TRAF2: variants seen among roughly 807,000 people sequenced by gnomAD.
TRAF2 encodes TNF receptor-associated factor 2.
Under a neutral mutation model 55.6 loss-of-function variants are expected in TRAF2, and 6 were observed. That is an observed-to-expected ratio of 0.11 (90% CI 0.06 to 0.21). The LOEUF is 0.21. Ranked by LOEUF, TRAF2 falls within the 10% of genes least tolerant of loss-of-function variation. The pLI, the probability that TRAF2 is intolerant of heterozygous loss-of-function variation, is 1.00. For missense variants in TRAF2, 561 were observed against 684.5 expected, an observed-to-expected ratio of 0.82 and a Z score of 2.01; for synonymous variants, 329 against 276.3, an observed-to-expected ratio of 1.19 and a Z score of -1.89.
Position 136,921,057 on chromosome 9 carries a change from G to GC in TRAF2, c.981dup (p.Ile328HisfsTer10). 6.2e-7 allele frequency: 1 copy of GC among 1,613,978 alleles called. No individual in the cohort carries two copies. Among genetic ancestry groups the GC allele is most frequent in the Non-Finnish European group, 8.5e-7 (1 of 1,180,006 alleles). ...CGGCAGGTGCAGCAGCTGGAGAGGAGCATTGGCCTCAAGGACCTGGCGATG... is the reference window on the plus strand; with the variant it reads ...CGGCAGGTGCAGCAGCTGGAGAGGAGCCATTGGCCTCAAGGACCTGGCGATG... On this transcript the variant is annotated frameshift_variant, in exon 9 of 11. Coordinates refer to ENST00000247668, the MANE Select transcript of TRAF2 (RefSeq NM_021138.4). LOFTEE classifies it high-confidence loss of function.
chr9:136,909,871 C>T (rs532004454), intron 5 of TRAF2, 49 bp from the exon 6 acceptor site: 102 of 1,599,386 alleles, frequency 6.4e-5, no homozygotes, highest in Middle Eastern at 1.7e-4. Flanking sequence ...CCTCCACCCG[C>T]GCCTGGCATT....
At chr9:136,895,659 C>T (rs1288044547) in intron 1 of TRAF2, among the ~76,000 whole-genome samples, 2 of 152,122 alleles carry the variant, frequency 1.3e-5, no homozygotes, top group Admixed American at 6.5e-5. Context: ...TAAGACCATC[C>T]TGGCCAACAT....
upstream of TRAF2, among the ~76,000 whole-genome samples, chr9:136,884,516 C>T (rs561155631): frequency 6.6e-6 from 1 of 152,088 alleles, no homozygotes; most frequent in African/African-American, 2.4e-5. Context: ...GCCGAGATCG[C>T]ACCACTGCAC....
chr9:136,888,967 G>A lies in TRAF2; in HGVS notation c.-29+2426G>A, dbSNP rs139403568. 8.5e-5 allele frequency among the ~76,000 whole-genome samples: 13 copies of A among 152,140 alleles called. No homozygotes were observed. In the East Asian group the frequency reaches 2.1e-3, roughly 25 times the overall value. On this transcript the variant is annotated intron_variant, in intron 1 of 10. Coordinates refer to ENST00000247668, the MANE Select transcript of TRAF2 (RefSeq NM_021138.4). ...TGCAACCTCTGCCTCCTGGGTTCAC[G>A]CTATTCTTCTGCCTCAGCCTCCCGA...
upstream of TRAF2, chr9:136,882,633 C>T (rs772221783): frequency 5.3e-5 from 52 of 984,950 alleles, no homozygotes; most frequent in Admixed American, 6.1e-5. Context: ...CTGCTGGAGG[C>T]CTGGGTGGCT....
intron 5 of TRAF2, among the ~76,000 whole-genome samples, chr9:136,908,736 G>C (rs1850020774): frequency 6.6e-6 from 1 of 152,174 alleles, no homozygotes; most frequent in Non-Finnish European, 1.5e-5. Flanking sequence ...TGGGCATGGT[G>C]GCGGGCGCCT....
intron 4 of TRAF2, among the ~76,000 whole-genome samples, chr9:136,904,506 C>T (rs749464728): frequency 2.6e-5 from 4 of 152,150 alleles, no homozygotes; most frequent in East Asian, 3.9e-4. Context: ...CCCACGTTCA[C>T]GCCATTCTTC....
rs1351872112 is a variant in TRAF2 at position 136,920,291 on chromosome 9, A to G, written c.736A>G (p.Met246Val). The part of the protein sequence containing the change: ...EVQWLREHLA[M>V]LLSSVLEAKP... ...GCAGTGGCTGCGGGAGCACCTGGCC[A>G]TGCTACTGAGCTCGGTGCTGGAGGC... Residue 246 changes from methionine (M) to valine (V), a missense_variant, in exon 8 of 11, where the codon ATG becomes GTG. Physicochemically the swap from Met to Val is conservative, Grantham distance 21. Transcript: ENST00000247668. The G allele has an allele frequency of 4.3e-6, 7 of 1,613,762 alleles. No individual in the cohort carries two copies. The highest frequency in any genetic ancestry group is 1.1e-5 in the South Asian group (1 of 91,082).
intron 10 of TRAF2, among the ~76,000 whole-genome samples, 174 bp from the exon 11 acceptor site, chr9:136,925,509 G>C (rs552584273): frequency 6.6e-6 from 1 of 151,390 alleles, no homozygotes; most frequent in Non-Finnish European, 1.5e-5. Flanking sequence ...TGGGGAGCCC[G>C]GGCGCTGTGG....
chr9:136,891,580 T>C (rs1360773165), intron 1 of TRAF2, among the ~76,000 whole-genome samples: 1 of 151,954 alleles, frequency 6.6e-6, no homozygotes, highest in East Asian at 1.9e-4. Flanking sequence ...CAGGCATGCC[T>C]AGGGCAGGGA....
rs758099713 is a variant in TRAF2 at position 136,920,998 on chromosome 9, C to T, written c.961-40C>T. The T allele has an allele frequency of 6.8e-6, 11 of 1,606,692 alleles. No individual in the cohort carries two copies. The African/African-American group carries it at 1.1e-4, about 16-fold the overall frequency. On this transcript the variant is annotated intron_variant, in intron 8 of 10. Transcript: ENST00000247668. ...TGGGAGGCAGGGGCTCGTGCCCGCACCCCTCCTGTAAGAGGGAAGGTGGTC... is the reference window on the plus strand; with the variant it reads ...TGGGAGGCAGGGGCTCGTGCCCGCATCCCTCCTGTAAGAGGGAAGGTGGTC...
chr9:136,926,280 T>TG lies in TRAF2; in HGVS notation c.*381dup, dbSNP rs1850530909. On this transcript the variant is annotated 3_prime_UTR_variant, in exon 11 of 11. Coordinates refer to ENST00000247668, the MANE Select transcript of TRAF2 (RefSeq NM_021138.4). ...GCCCATGTAGCAGGAGCACAGTGGA[T>TG]GGCCTTGTGTCCCTCGGGCATGACA... is the stretch of plus-strand genomic sequence containing the variant. The TG allele has an allele frequency of 2.7e-6, 1 of 372,622 alleles. No homozygotes were observed. The highest frequency in any genetic ancestry group is 2.1e-5 in the African/African-American group (1 of 47,592). The allele number at this position is 372,622 out of a possible 1,614,324, so 23.1% of individuals were successfully genotyped here. A position where few individuals can be genotyped will look rare whatever the true frequency, so the allele number is the denominator to read the frequency against.
At chr9:136,884,008 A>G (rs1323334883), upstream of TRAF2, among the ~76,000 whole-genome samples, 3 of 151,938 alleles carry the variant, frequency 2.0e-5, no homozygotes, top group Non-Finnish European at 4.4e-5. Context: ...TACTTTTAGT[A>G]GAGACAGGGT....
At chr9:136,890,790 C>T (rs1246313727) in intron 1 of TRAF2, among the ~76,000 whole-genome samples, 1 of 152,230 alleles carries the variant, frequency 6.6e-6, no homozygotes, top group East Asian at 1.9e-4. Context: ...CTGCCGTGTC[C>T]TGGCTGTCTG....
At position 136,898,545 on chromosome 9, in the gene TRAF2, G is replaced by A. The variant is rs184204836; in HGVS notation, c.-28-168G>A. The A allele has an allele frequency of 1.1e-4, 104 of 979,774 alleles. No homozygotes were observed. The Middle Eastern group carries it at 1.6e-3, about 15-fold the overall frequency. The allele number at this position is 979,774 out of a possible 1,614,324, so 60.7% of individuals were successfully genotyped here. A position where few individuals can be genotyped will look rare whatever the true frequency, so the allele number is the denominator to read the frequency against. On this transcript the variant is annotated intron_variant, in intron 1 of 10. Coordinates refer to ENST00000247668, the MANE Select transcript of TRAF2 (RefSeq NM_021138.4). ...TAGCGGCGGGAGATGGGACTAGAGG[G>A]TCTCCAAGGCTCCCTGAAGCTCTGC... is the stretch of plus-strand genomic sequence containing the variant.
chr9:136,900,558 C>T (rs1432628909), intron 4 of TRAF2, 38 bp downstream of exon 4: 13 of 1,577,482 alleles, frequency 8.2e-6, no homozygotes, highest in Admixed American at 1.7e-5. Context: ...ACAGAAGCTC[C>T]AGCAGTCGGG....
intron 6 of TRAF2, 58 bp downstream of exon 6, chr9:136,910,052 A>T: frequency 1.7e-3 from 2,014 of 1,182,494 alleles, no homozygotes; most frequent in Non-Finnish European, 2.2e-3. Flanking sequence ...GTTGGACGTG[A>T]GGGTCCCGTG....
intron 1 of TRAF2, among the ~76,000 whole-genome samples, chr9:136,891,027 C>A (rs1461022061): frequency 6.6e-6 from 1 of 152,174 alleles, no homozygotes; most frequent in East Asian, 1.9e-4. Context: ...GCGAGATCCT[C>A]CCACCTCGGC....
chr9:136,899,572 T>G, intron 2 of TRAF2, 22 bp from the exon 3 acceptor site: 3 of 1,600,436 alleles, frequency 1.9e-6, no homozygotes, highest in South Asian at 1.1e-5. Context: ...GTGGGTTGTT[T>G]TTTGCCTTTT....
Sources: allele counts gnomAD v4.1 joint callset (sites outside exome capture counted in the v4.1 genomes callset), GRCh38; gene constraint gnomAD v4.1.1; transcripts MANE v1.5; gene names NCBI Gene and HGNC (gene_info 2026-07-23, HGNC 2026-07-21).